KCNMB3: variants seen among roughly 807,000 people sequenced by gnomAD.
The protein encoded by KCNMB3 is potassium calcium-activated channel subfamily M regulatory beta subunit 3, also known as calcium-activated potassium channel subunit beta-3.
Under a neutral mutation model 11.9 loss-of-function variants are expected in KCNMB3, and 18 were observed. That is an observed-to-expected ratio of 1.51 (90% CI 1.04 to 2.23). The LOEUF is 2.23. Among genes scored for constraint, KCNMB3 ranks in the 30% most tolerant of loss-of-function variants. The pLI is 0.00. For synonymous variants in KCNMB3, 78 were observed against 119.2 expected, an observed-to-expected ratio of 0.65 and a Z score of 2.25; for missense variants, 247 against 329.4, an observed-to-expected ratio of 0.75 and a Z score of 1.94.
In KCNMB3 at chr3:179,259,848, G is replaced by C; in HGVS notation, c.62+6801C>G. The C allele has an allele frequency of 3.7e-6, 6 of 1,610,706 alleles. No individual in the cohort carries two copies. The East Asian group carries it at 1.3e-4, about 36-fold the overall frequency. On this transcript the variant is annotated intron_variant, in intron 1 of 3. Transcript: ENST00000349697. The stretch of plus-strand genomic sequence containing the variant: ...AGTGTCTACTGTACTTGGACCTGTC[G>C]CCTCCTGACCCTTGCTCTCAGTTCC...
chr3:179,255,923 G>A (rs1007727477), upstream of KCNMB3, among the ~76,000 whole-genome samples: 7 of 152,164 alleles, frequency 4.6e-5, no homozygotes, highest in African/African-American at 1.7e-4. Context: ...CTGAGAAAAA[G>A]TAACCACAGA....
At chr3:179,265,332 CAT>C (rs1726342983) in intron 1 of KCNMB3, among the ~76,000 whole-genome samples, 1 of 152,160 alleles carries the variant, frequency 6.6e-6, no homozygotes, top group Non-Finnish European at 1.5e-5. Context: ...AAGTGAGTAA[CAT>C]GATGACCATT....
In KCNMB3 at chr3:179,243,214, A is replaced by G. The variant is rs761831518; in HGVS notation, c.518T>C (p.Phe173Ser). ...LLNSALDIKE[F>S]FDHKNGTPFS... ...GGGGGTTCCATTTTTGTGATCGAAG[A>G]ATTCTTTTATGTCCAGAGCACTGTT... The change falls in exon 3 of 3, where the codon TTC becomes TCC. Residue 173 changes from phenylalanine to serine, a missense_variant. Phe to Ser is a radical substitution (Grantham distance 155). Coordinates refer to ENST00000392685, the MANE Select transcript of KCNMB3 (RefSeq NM_171830.2). The G allele has an allele frequency of 5.1e-6, 7 of 1,377,022 alleles. No homozygotes were observed. In the Admixed American group the frequency reaches 1.3e-4, roughly 26 times the overall value. The allele number at this position is 1,377,022 out of a possible 1,614,324, so 85.3% of individuals were successfully genotyped here.
At chr3:179,247,093 G>A (rs1162988822) in intron 1 of KCNMB3, among the ~76,000 whole-genome samples, 1 of 152,140 alleles carries the variant, frequency 6.6e-6, no homozygotes, top group Non-Finnish European at 1.5e-5. Context: ...TAAGGCAAGA[G>A]AGAGATGAGA....
intron 1 of KCNMB3, among the ~76,000 whole-genome samples, chr3:179,261,633 A>G (rs570422575): frequency 1.3e-5 from 2 of 151,822 alleles, no homozygotes; most frequent in Admixed American, 6.5e-5. Flanking sequence ...TGAATTCAGT[A>G]GAAACTGTAC....
chr3:179,259,736 C>CT lies in KCNMB3; in HGVS notation c.62+6912dup, dbSNP rs1726142190. 3.8e-6 allele frequency: 6 copies of CT among 1,594,228 alleles called. No individual in the cohort carries two copies. In the African/African-American group the frequency reaches 6.8e-5, roughly 18 times the overall value. On this transcript the variant is annotated intron_variant, in intron 1 of 3. Coordinates refer to the KCNMB3 transcript ENST00000349697. ...TCCTCTTCTTTTTCTTTTTCTTGTT[C>CT]TTTCTCTTCTGCAATGAGTCCAATG...
At chr3:179,266,357 G>A (rs1726368684) in intron 1 of KCNMB3, among the ~76,000 whole-genome samples, 1 of 152,212 alleles carries the variant, frequency 6.6e-6, no homozygotes, top group Admixed American at 6.5e-5. Context: ...TCATTCTTGA[G>A]CACCAACTAT....
intron 1 of KCNMB3, chr3:179,259,444 C>T (rs1417715967): frequency 3.7e-6 from 6 of 1,612,180 alleles, no homozygotes; most frequent in South Asian, 2.2e-5. Flanking sequence ...AGTACCTCCT[C>T]AGCTGCTGTT....
intron 1 of KCNMB3, chr3:179,261,266 C>A: frequency 3.1e-6 from 4 of 1,298,612 alleles, no homozygotes; most frequent in Non-Finnish European, 1.0e-6. Flanking sequence ...GGCCGCGGGG[C>A]TGGTCAACCT....
intron 1 of KCNMB3, among the ~76,000 whole-genome samples, chr3:179,248,508 A>C (rs891777746): frequency 8.6e-5 from 13 of 152,016 alleles, no homozygotes; most frequent in Non-Finnish European, 1.6e-4. Flanking sequence ...TAGAAGGATG[A>C]CTTGAGCTTA....
chr3:179,261,322 T>G, intron 1 of KCNMB3: 2 of 1,207,228 alleles, frequency 1.7e-6, no homozygotes. Flanking sequence ...TCGGGGACCG[T>G]GCCGGAGCCC....
chr3:179,248,711 G>C (rs926105307), intron 1 of KCNMB3, among the ~76,000 whole-genome samples: 4 of 144,338 alleles, frequency 2.8e-5, no homozygotes, highest in Admixed American at 1.4e-4. Context: ...CTGGGTGACA[G>C]AGTGACACCC....
intron 1 of KCNMB3, chr3:179,258,926 G>C: frequency 1.2e-6 from 2 of 1,612,880 alleles, no homozygotes; most frequent in Non-Finnish European, 1.7e-6. Flanking sequence ...GCATCTCTAT[G>C]AATTTAGAAC....
intron 2 of KCNMB3, among the ~76,000 whole-genome samples, 177 bp from the exon 3 acceptor site, chr3:179,243,461 A>C (rs1351746219): frequency 6.6e-6 from 1 of 152,128 alleles, no homozygotes; most frequent in Non-Finnish European, 1.5e-5. Context: ...CCACAGTGAA[A>C]TGGCCATTTC....
At chr3:179,254,581 T>C (rs1560158827), upstream of KCNMB3, among the ~76,000 whole-genome samples, 1 of 152,012 alleles carries the variant, frequency 6.6e-6, no homozygotes, top group Non-Finnish European at 1.5e-5. Context: ...GAGGTCGAGG[T>C]GGGCGAATCA....
rs929640619 is a variant in KCNMB3 at position 179,261,331 on chromosome 3, C to T, written c.62+5318G>A. 1.0e-5 allele frequency: 12 copies of T among 1,182,492 alleles called. No individual in the cohort carries two copies. In the African/African-American group the frequency reaches 1.2e-4, roughly 12 times the overall value. 73.2% of individuals were successfully genotyped at this position (1,182,492 alleles called of 1,614,324 possible). A position where few individuals can be genotyped will look rare whatever the true frequency, so the allele number is the denominator to read the frequency against. ...AAACGCTCGGGGACCGTGCCGGAGC[C>T]CCCCCCCGCGGGCCGGGCCAGGGGG... On this transcript the variant is annotated intron_variant, in intron 1 of 3. Transcript: ENST00000349697.
downstream of KCNMB3, chr3:179,241,813 T>C: frequency 6.5e-6 from 1 of 154,298 alleles, no homozygotes; most frequent in Middle Eastern, 5.2e-4. Flanking sequence ...TTGCGGTTTT[T>C]CGCCATTAAA....
intron 1 of KCNMB3, among the ~76,000 whole-genome samples, chr3:179,263,109 G>C (rs995460139): frequency 2.6e-5 from 4 of 152,212 alleles, no homozygotes; most frequent in Admixed American, 2.6e-4. Flanking sequence ...AGGGGGCAGC[G>C]CTCATCAGGG....
chr3:179,258,148 C>A (rs377517322), intron 1 of KCNMB3, among the ~76,000 whole-genome samples: 1 of 152,034 alleles, frequency 6.6e-6, no homozygotes, highest in Admixed American at 6.6e-5. Context: ...GGCCTCCCAA[C>A]GTGCTGAGAT....
Sources: gnomAD v4.1 joint callset for allele counts (sites outside exome capture counted in the v4.1 genomes callset) on GRCh38, gnomAD v4.1.1 for gene constraint, MANE v1.5 for transcripts, NCBI Gene and HGNC (gene_info 2026-07-23, HGNC 2026-07-21) for gene names.